The following DCC variants were observed in gnomAD, a reference collection of about 807,000 sequenced individuals.
DCC encodes netrin receptor DCC.
Under a neutral mutation model 172.5 loss-of-function variants are expected in DCC, and 58 were observed. That is an observed-to-expected ratio of 0.34 (90% CI 0.27 to 0.42). The LOEUF (loss-of-function observed/expected upper bound fraction) is 0.42. DCC is among the 10% of genes least tolerant of loss of function. DCC has a pLI of 1.00. For synonymous variants in DCC, 709 were observed against 644.5 expected (o/e 1.10, Z -1.52); for missense variants, 1,740 against 1,791.0 (o/e 0.97, Z 0.51).
intron 7 of DCC, among the ~76,000 whole-genome samples, chr18:53,098,604 G>T (rs2043120173): frequency 6.6e-6 from 1 of 152,064 alleles, no homozygotes; most frequent in South Asian, 2.1e-4. Context: ...CATCACATTG[G>T]GTGGCATATG....
intron 2 of DCC, among the ~76,000 whole-genome samples, chr18:52,835,140 T>C (rs1402576834): frequency 6.6e-6 from 1 of 152,234 alleles, no homozygotes; most frequent in Admixed American, 6.5e-5. Context: ...ATGGGTGTTT[T>C]GTAATTCATA....
chr18:52,899,785 C>G (rs1412040842), intron 2 of DCC, among the ~76,000 whole-genome samples: 1 of 152,088 alleles, frequency 6.6e-6, no homozygotes, highest in East Asian at 1.9e-4. Flanking sequence ...CATAAGCTAC[C>G]ACTCCAAGGC....
chr18:53,093,411 C>T (rs1475514856), intron 7 of DCC, among the ~76,000 whole-genome samples: 1 of 152,146 alleles, frequency 6.6e-6, no homozygotes, highest in Non-Finnish European at 1.5e-5. Context: ...AGGTATATGA[C>T]ATTTGTCAAC....
At chr18:53,391,963 G>T in intron 17 of DCC, 76 bp downstream of exon 17, 1 of 855,964 alleles carries the variant, frequency 1.2e-6, no homozygotes, top group Middle Eastern at 2.2e-4. Context: ...ACCTCTCCTG[G>T]ACTGTCATGA....
At chr18:52,494,008 A>G (rs746802749) in intron 1 of DCC, among the ~76,000 whole-genome samples, 9 of 151,964 alleles carry the variant, frequency 5.9e-5, no homozygotes, top group Non-Finnish European at 1.2e-4. Context: ...AATTTCCTTC[A>G]GTGCAGGTTT....
At chr18:52,367,900 G>A (rs1984950486) in intron 1 of DCC, among the ~76,000 whole-genome samples, 1 of 152,234 alleles carries the variant, frequency 6.6e-6, no homozygotes, top group Non-Finnish European at 1.5e-5. Context: ...GCTGCTCAGA[G>A]TCACAGAGGT....
At chr18:52,566,065 G>C (rs540518564) in intron 1 of DCC, among the ~76,000 whole-genome samples, 104 of 152,208 alleles carry the variant, frequency 6.8e-4, no homozygotes, top group Non-Finnish European at 1.4e-3. Flanking sequence ...TGGCTAGCCA[G>C]TTTTCCCAAC....
chr18:53,009,506 A>G (rs1191213876), intron 5 of DCC, among the ~76,000 whole-genome samples: 1 of 151,684 alleles, frequency 6.6e-6, no homozygotes, highest in African/African-American at 2.4e-5. Context: ...AACAAAAAAG[A>G]GAGAAAGTGA....
rs933445836 is a variant in DCC, at chr18:53,401,054, G to A, written c.2828-1732G>A. Among the ~76,000 whole-genome samples the A allele has an allele frequency of 2.6e-5, 4 of 152,034 alleles. No homozygotes were observed. In the South Asian group the frequency reaches 8.3e-4, roughly 32 times the overall value. On this transcript the variant is annotated intron_variant, in intron 18 of 28. Transcript: ENST00000442544. ...ATCTTAGCTTCCTATTCATAGCCGG[G>A]AAAATATCCTGAATGACCTCTCTGT...
At chr18:53,426,100 C>T (rs537892621) in intron 21 of DCC, among the ~76,000 whole-genome samples, 5 of 151,664 alleles carry the variant, frequency 3.3e-5, no homozygotes, top group Admixed American at 1.3e-4. Context: ...ATCTGTCCAG[C>T]TCCTTTGGTT....
chr18:52,463,340 G>T (rs1389964334), intron 1 of DCC, among the ~76,000 whole-genome samples: 1 of 151,914 alleles, frequency 6.6e-6, no homozygotes, highest in African/African-American at 2.4e-5. Context: ...CACCTCTCTG[G>T]AGTGGGCGAT....
chr18:53,166,777 A>G (rs2054928744), intron 8 of DCC, among the ~76,000 whole-genome samples: 1 of 152,194 alleles, frequency 6.6e-6, no homozygotes, highest in Admixed American at 6.6e-5. Flanking sequence ...GAGGTAAACA[A>G]AAAAGAGACA....
intron 15 of DCC, among the ~76,000 whole-genome samples, chr18:53,376,922 T>C (rs1907331152): frequency 6.6e-6 from 1 of 152,220 alleles, no homozygotes; most frequent in South Asian, 2.1e-4. Context: ...TAATTTATAC[T>C]TTACCACCTC....
chr18:52,361,751 G>C (rs1984627700), intron 1 of DCC, among the ~76,000 whole-genome samples: 1 of 152,174 alleles, frequency 6.6e-6, no homozygotes, highest in Admixed American at 6.5e-5. Flanking sequence ...CAAAGTTTGA[G>C]ACATATCATT....
intron 1 of DCC, among the ~76,000 whole-genome samples, chr18:52,664,357 C>T (rs1025365919): frequency 6.6e-6 from 1 of 151,526 alleles, no homozygotes; most frequent in Non-Finnish European, 1.5e-5. Context: ...GAAACTTTTG[C>T]TACATTTTTT....
intron 5 of DCC, among the ~76,000 whole-genome samples, chr18:53,048,642 A>G (rs1161659326): frequency 6.6e-6 from 1 of 150,966 alleles, no homozygotes; most frequent in African/African-American, 2.4e-5. Flanking sequence ...AATGTGATAT[A>G]TATATACACA....
At chr18:52,697,153 T>A (rs1262791724) in intron 1 of DCC, among the ~76,000 whole-genome samples, 2 of 152,218 alleles carry the variant, frequency 1.3e-5, no homozygotes, top group Non-Finnish European at 2.9e-5. Flanking sequence ...TATTTCCACT[T>A]AGAAATATTT....
At chr18:53,396,275 A>G (rs1908936162) in intron 17 of DCC, among the ~76,000 whole-genome samples, 1 of 152,216 alleles carries the variant, frequency 6.6e-6, no homozygotes, top group Admixed American at 6.5e-5. Flanking sequence ...TACCAAGTAC[A>G]AAATCATATT....
chr18:52,985,884 G>A (rs1459894413), intron 5 of DCC, among the ~76,000 whole-genome samples: 1 of 151,958 alleles, frequency 6.6e-6, no homozygotes, highest in African/African-American at 2.4e-5. Context: ...ACTCTGTTCT[G>A]GTTTTATAGT....
Sources: gnomAD v4.1 joint callset for allele counts (sites outside exome capture counted in the v4.1 genomes callset) on GRCh38, gnomAD v4.1.1 for gene constraint, MANE v1.5 for transcripts, NCBI Gene and HGNC (gene_info 2026-07-23, HGNC 2026-07-21) for gene names.